PARP11: variants seen among roughly 807,000 people sequenced by gnomAD.
PARP11 encodes protein mono-ADP-ribosyltransferase PARP11.
In PARP11, 31 loss-of-function variants were observed where a neutral mutation model predicts 42.9. The observed-to-expected ratio is 0.72, with a 90% CI of 0.54 to 0.98. The LOEUF (loss-of-function observed/expected upper bound fraction) is 0.98. PARP11 is among the 50% of genes least tolerant of loss of function. PARP11 has a pLI of 0.00. For synonymous variants in PARP11, 137 were observed against 127.3 expected (o/e 1.08, Z -0.51); for missense variants, 365 against 413.1 (o/e 0.88, Z 1.01).
intron 7 of PARP11, among the ~76,000 whole-genome samples, chr12:3,812,730 C>T (rs550231269): frequency 1.3e-5 from 2 of 152,168 alleles, no homozygotes; most frequent in Non-Finnish European, 2.9e-5. Flanking sequence ...TAAAATAAAT[C>T]TTACAAAGAA....
intron 6 of PARP11, among the ~76,000 whole-genome samples, chr12:3,814,477 T>G (rs947277407): frequency 3.9e-5 from 6 of 152,198 alleles, no homozygotes; most frequent in African/African-American, 1.4e-4. Context: ...TAATTGATTG[T>G]CTAAACCAGC....
intron 1 of PARP11, chr12:3,841,653 T>G: frequency 6.2e-7 from 1 of 1,613,658 alleles, no homozygotes; most frequent in East Asian, 2.2e-5. Flanking sequence ...ATGCTGATTA[T>G]GAAGAGTCAC....
Position 3,840,103 on chromosome 12 carries a change from A to G in PARP11, c.19-10085T>C. The G allele has an allele frequency of 6.2e-7, 1 of 1,610,220 alleles. No individual in the cohort carries two copies. Among genetic ancestry groups the G allele is most frequent in the Non-Finnish European group, 8.5e-7 (1 of 1,176,372 alleles). On this transcript the variant is annotated intron_variant, in intron 1 of 7. Transcript: ENST00000228820. The surrounding 1 kb of genome is among the most constrained non-coding windows in gnomAD (Gnocchi z 4.4). ...GGAATATGAAATTTGGCTGGAGTCT[A>G]AACAAGCTCAGCAAAAACGTGATTA... is the stretch of plus-strand genomic sequence containing the variant.
chr12:3,810,074 C>T lies in PARP11; in HGVS notation c.*2049G>A. 1 of 152,180 alleles carries T rather than the reference C, an allele frequency of 6.6e-6. No individual in the cohort carries two copies. The highest frequency in any genetic ancestry group is 1.9e-4 in the East Asian group (1 of 5,202). The allele number at this position is 152,180 out of a possible 1,614,324, so 9.4% of individuals were successfully genotyped here. A position where few individuals can be genotyped will look rare whatever the true frequency, so the allele number is the denominator to read the frequency against. ...AATTACTATCCCTAATCTGTCTGCA[C>T]TCTTTGCTTTTATTATTTGTAGATC... On this transcript the variant is annotated 3_prime_UTR_variant, in exon 8 of 8. Coordinates refer to ENST00000228820, the MANE Select transcript of PARP11 (RefSeq NM_020367.6).
chr12:3,842,197 G>A, intron 1 of PARP11: 1 of 1,609,040 alleles, frequency 6.2e-7, no homozygotes, highest in Non-Finnish European at 8.5e-7. Context: ...GTCAGCCCTG[G>A]GGCCAACTCT....
Position 3,810,075 on chromosome 12 carries a change from TCTTTG to T in PARP11, c.*2043_*2047del, listed in dbSNP as rs1947138167. On this transcript the variant is annotated 3_prime_UTR_variant, in exon 8 of 8. Coordinates refer to ENST00000228820, the MANE Select transcript of PARP11 (RefSeq NM_020367.6). ...ATTACTATCCCTAATCTGTCTGCAC[TCTTTG>T]CTTTTATTATTTGTAGATCCCTTTC... 1 of 152,250 alleles carries T rather than the reference TCTTTG, an allele frequency of 6.6e-6. No homozygotes were observed. Among genetic ancestry groups the T allele is most frequent in the African/African-American group, 2.4e-5 (1 of 41,464 alleles). 9.4% of individuals were successfully genotyped at this position (152,250 alleles called of 1,614,324 possible). A position where few individuals can be genotyped will look rare whatever the true frequency, so the allele number is the denominator to read the frequency against.
At chr12:3,813,599 T>A (rs1947225754) in intron 7 of PARP11, among the ~76,000 whole-genome samples, 2 of 152,244 alleles carry the variant, frequency 1.3e-5, no homozygotes, top group Non-Finnish European at 1.5e-5. Flanking sequence ...AGTTATTTTT[T>A]AAATTAATTT....
chr12:3,849,248 G>A (rs1196265003), intron 1 of PARP11, among the ~76,000 whole-genome samples: 1 of 151,390 alleles, frequency 6.6e-6, no homozygotes, highest in African/African-American at 2.4e-5. Context: ...GGAAAATTAT[G>A]GAGGTACCTC....
intron 1 of PARP11, among the ~76,000 whole-genome samples, chr12:3,864,387 T>C (rs1240390016): frequency 6.6e-6 from 1 of 152,238 alleles, no homozygotes; most frequent in African/African-American, 2.4e-5. Context: ...TGGTCTGTAG[T>C]TTTCTATGAT....
At chr12:3,847,286 T>C (rs1260340232) in intron 1 of PARP11, among the ~76,000 whole-genome samples, 2 of 152,054 alleles carry the variant, frequency 1.3e-5, no homozygotes, top group African/African-American at 4.8e-5. Flanking sequence ...TTCAAAAAAA[T>C]TGAAAAGGAG....
intron 6 of PARP11, among the ~76,000 whole-genome samples, chr12:3,819,513 A>G (rs1161693997): frequency 6.6e-6 from 1 of 152,206 alleles, no homozygotes; most frequent in Non-Finnish European, 1.5e-5. Flanking sequence ...ACAATCAAAA[A>G]TGACTCCAGT....
chr12:3,858,103 G>A (rs1036976662), intron 1 of PARP11, among the ~76,000 whole-genome samples: 2 of 152,082 alleles, frequency 1.3e-5, no homozygotes, highest in African/African-American at 2.4e-5. Flanking sequence ...TGGTGATTTC[G>A]AAGGACTCTG....
intron 1 of PARP11, among the ~76,000 whole-genome samples, chr12:3,867,865 T>C (rs1025391807): frequency 2.0e-5 from 3 of 152,220 alleles, no homozygotes; most frequent in Admixed American, 6.5e-5. Context: ...GGCTTCTCAA[T>C]AACGCAACTG....
chr12:3,839,337 C>A, intron 1 of PARP11: 1 of 1,533,800 alleles, frequency 6.5e-7, no homozygotes, highest in African/African-American at 1.4e-5. Flanking sequence ...ACGGCGAGGA[C>A]CAGGGCGGCG....
rs537860505 is a variant in PARP11, at chr12:3,809,211, A to G, written c.*2912T>C. The G allele has an allele frequency of 6.6e-6, 1 of 152,318 alleles. No individual in the cohort carries two copies. Among genetic ancestry groups the G allele is most frequent in the Non-Finnish European group, 1.5e-5 (1 of 68,032 alleles). The allele number at this position is 152,318 out of a possible 1,614,324, so 9.4% of individuals were successfully genotyped here. A position where few individuals can be genotyped will look rare whatever the true frequency, so the allele number is the denominator to read the frequency against. The stretch of plus-strand genomic sequence containing the variant: ...AAATGGTTGTGTCCAGTATTATTAT[A>G]TACTGGTTATATAATTCTCAAATGT... On this transcript the variant is annotated 3_prime_UTR_variant, in exon 8 of 8. Transcript: ENST00000228820.
chr12:3,843,313 G>A (rs1947931895), intron 1 of PARP11, among the ~76,000 whole-genome samples: 2 of 152,226 alleles, frequency 1.3e-5, no homozygotes, highest in South Asian at 2.1e-4. Context: ...TAGATGCTAC[G>A]CATTTTGAAA....
intron 1 of PARP11, chr12:3,841,432 G>A (rs1947887207): frequency 3.7e-6 from 5 of 1,339,518 alleles, no homozygotes; most frequent in African/African-American, 1.4e-5. Flanking sequence ...AGAGGCTCCT[G>A]CCGCCCAGAA....
In PARP11 at chr12:3,840,685, C is replaced by A; in HGVS notation, c.19-10667G>T. The A allele has an allele frequency of 8.2e-7, 1 of 1,226,584 alleles. No individual in the cohort carries two copies. The highest frequency in any genetic ancestry group is 1.2e-6 in the Non-Finnish European group (1 of 826,098). 76.0% of individuals were successfully genotyped at this position (1,226,584 alleles called of 1,614,324 possible). A position where few individuals can be genotyped will look rare whatever the true frequency, so the allele number is the denominator to read the frequency against. On this transcript the variant is annotated intron_variant, in intron 1 of 7. Transcript: ENST00000228820. This position sits in a 1 kb window ranked among gnomAD's most constrained non-coding sequence, Gnocchi z 4.4. ...CACACGTAAGTGATAGAAAAGGAAGCAGGCGGAGAATGGATACAGAAGAAC... is the reference window on the plus strand; with the variant it reads ...CACACGTAAGTGATAGAAAAGGAAGAAGGCGGAGAATGGATACAGAAGAAC...
At chr12:3,844,009 A>G (rs924118468) in intron 1 of PARP11, among the ~76,000 whole-genome samples, 3 of 152,168 alleles carry the variant, frequency 2.0e-5, no homozygotes, top group African/African-American at 7.2e-5. Flanking sequence ...GAATTTGACA[A>G]ACTGAAACAG....
Sources: gnomAD v4.1 joint callset for allele counts (sites outside exome capture counted in the v4.1 genomes callset) on GRCh38, gnomAD v4.1.1 for gene constraint, Gnocchi (gnomAD v3.1) non-coding constraint, MANE v1.5 for transcripts, NCBI Gene and HGNC (gene_info 2026-07-23, HGNC 2026-07-21) for gene names.